RIMS2: variants seen among roughly 807,000 people sequenced by gnomAD.
RIMS2 encodes regulating synaptic membrane exocytosis 2, also known as regulating synaptic membrane exocytosis protein 2.
RIMS2 carries 59 observed loss-of-function variants against 174.4 expected under a neutral mutation model. That is an observed-to-expected ratio of 0.34 (90% CI 0.27 to 0.42). The LOEUF (loss-of-function observed/expected upper bound fraction) is 0.42. Ranked by LOEUF, RIMS2 falls within the 10% of genes least tolerant of loss-of-function variation. The pLI is 1.00. For synonymous variants in RIMS2, 606 were observed against 572.5 expected, an observed-to-expected ratio of 1.06 and a Z score of -0.84; for missense variants, 1,620 against 1,666.3, an observed-to-expected ratio of 0.97 and a Z score of 0.48.
At chr8:103,680,619 C>T (rs2096868352) in intron 1 of RIMS2, among the ~76,000 whole-genome samples, 1 of 151,838 alleles carries the variant, frequency 6.6e-6, no homozygotes, top group Non-Finnish European at 1.5e-5. Flanking sequence ...GTCCTATGTT[C>T]AACTATGTAT....
At chr8:103,968,108 G>A (rs752148277) in intron 15 of RIMS2, among the ~76,000 whole-genome samples, 90 of 152,070 alleles carry the variant, frequency 5.9e-4, no homozygotes, top group Middle Eastern at 3.4e-3. Flanking sequence ...TGATCTGCCC[G>A]CCTTAGCCTC....
chr8:103,706,431 C>T (rs1386523489), intron 2 of RIMS2, among the ~76,000 whole-genome samples: 1 of 151,640 alleles, frequency 6.6e-6, no homozygotes, highest in African/African-American at 2.4e-5. Flanking sequence ...ATGATTGTTT[C>T]TTTTTTTTAA....
At chr8:103,608,724 G>A (rs995908711) in intron 1 of RIMS2, among the ~76,000 whole-genome samples, 19 of 152,154 alleles carry the variant, frequency 1.2e-4, no homozygotes, top group African/African-American at 2.9e-4. Flanking sequence ...TCAGAAAAGC[G>A]CAGTATTCGG....
At chr8:104,140,907 T>G (rs2098560846) in intron 19 of RIMS2, among the ~76,000 whole-genome samples, 1 of 152,186 alleles carries the variant, frequency 6.6e-6, no homozygotes, top group Non-Finnish European at 1.5e-5. Flanking sequence ...ATAAAGTAGC[T>G]GAAATCATCA....
intron 19 of RIMS2, among the ~76,000 whole-genome samples, chr8:104,126,753 T>G (rs1188906750): frequency 3.3e-5 from 5 of 152,222 alleles, no homozygotes; most frequent in African/African-American, 1.2e-4. Flanking sequence ...ATCAACATAC[T>G]TTGAATGAAA....
chr8:104,022,981 T>C (rs139644706), intron 19 of RIMS2, among the ~76,000 whole-genome samples: 1 of 152,344 alleles, frequency 6.6e-6, no homozygotes, highest in African/African-American at 2.4e-5. Context: ...ATTTTGATTA[T>C]TTACCTGTAA....
chr8:104,196,177 T>C (rs2136663613), intron 19 of RIMS2, among the ~76,000 whole-genome samples: 1 of 152,288 alleles, frequency 6.6e-6, no homozygotes, highest in Admixed American at 6.5e-5. Context: ...CTTTGTCTTT[T>C]TAACAAAGAC....
chr8:103,948,002 G>C (rs2084253823), intron 14 of RIMS2, among the ~76,000 whole-genome samples: 1 of 152,202 alleles, frequency 6.6e-6, no homozygotes, highest in East Asian at 1.9e-4. Flanking sequence ...ATAATAATAA[G>C]ATAATAGTGC....
At chr8:103,957,341 G>A (rs1038947162) in intron 14 of RIMS2, among the ~76,000 whole-genome samples, 5 of 152,098 alleles carry the variant, frequency 3.3e-5, no homozygotes, top group African/African-American at 1.2e-4. Context: ...CAAAGACTTG[G>A]AACCAACCCA....
At chr8:104,170,970 A>C (rs1473765908) in intron 19 of RIMS2, among the ~76,000 whole-genome samples, 1 of 152,148 alleles carries the variant, frequency 6.6e-6, no homozygotes, top group African/African-American at 2.4e-5. Flanking sequence ...AAGGAGGCCA[A>C]AGATAGGACC....
chr8:103,889,069 G>A (rs146943785), intron 4 of RIMS2, among the ~76,000 whole-genome samples: 1 of 151,666 alleles, frequency 6.6e-6, no homozygotes, highest in African/African-American at 2.4e-5. Context: ...GTTATGTCTT[G>A]ACTTTTCATC....
chr8:103,534,957 T>C (rs1839112362), intron 1 of RIMS2, among the ~76,000 whole-genome samples: 1 of 152,218 alleles, frequency 6.6e-6, no homozygotes, highest in African/African-American at 2.4e-5. Flanking sequence ...TTATTTGAAA[T>C]CTTTACATTG....
At chr8:103,693,923 T>C (rs1476071894) in intron 1 of RIMS2, among the ~76,000 whole-genome samples, 3 of 152,130 alleles carry the variant, frequency 2.0e-5, no homozygotes, top group Non-Finnish European at 4.4e-5. Context: ...GGTGTTGGTA[T>C]GGTGTTAGTG....
At chr8:103,634,998 G>A (rs531914337) in intron 1 of RIMS2, among the ~76,000 whole-genome samples, 77 of 152,188 alleles carry the variant, frequency 5.1e-4, no homozygotes, top group African/African-American at 1.7e-3. Context: ...TTTAAGTGGG[G>A]CATTTAGCCC....
intron 1 of RIMS2, among the ~76,000 whole-genome samples, chr8:103,566,995 C>T (rs1413008596): frequency 1.3e-5 from 2 of 152,184 alleles, no homozygotes; most frequent in South Asian, 2.1e-4. Flanking sequence ...CTCAACTCCT[C>T]CCTTTTCCCT....
intron 1 of RIMS2, among the ~76,000 whole-genome samples, chr8:103,641,382 T>C (rs1194782678): frequency 6.6e-6 from 1 of 152,138 alleles, no homozygotes; most frequent in Non-Finnish European, 1.5e-5. Flanking sequence ...GTGAGAAACA[T>C]TTGAGTTATT....
At chr8:103,652,638 G>A in intron 1 of RIMS2, 2 of 1,349,514 alleles carry the variant, frequency 1.5e-6, no homozygotes, top group Non-Finnish European at 2.0e-6. Context: ...TTTCCCTTTA[G>A]TGGAATCACT....
At chr8:103,603,462 G>A (rs978961107) in intron 1 of RIMS2, among the ~76,000 whole-genome samples, 5 of 150,758 alleles carry the variant, frequency 3.3e-5, no homozygotes, top group African/African-American at 9.8e-5. Context: ...AAACATACGT[G>A]TGCATGTGTC....
intron 1 of RIMS2, among the ~76,000 whole-genome samples, chr8:103,550,667 A>G (rs146852686): frequency 0.03 from 4,559 of 152,262 alleles, 102 homozygotes; most frequent in Non-Finnish European, 0.048. Context: ...TGTATCTAGG[A>G]GCTGGTTTTT....
Sources: allele counts gnomAD v4.1 joint callset (sites outside exome capture counted in the v4.1 genomes callset), GRCh38; gene constraint gnomAD v4.1.1; transcripts MANE v1.5; gene names NCBI Gene and HGNC (gene_info 2026-07-23, HGNC 2026-07-21).